Variants in RTN4 observed in about 807,000 individuals in gnomAD.
RTN4 encodes the protein reticulon 4, also known as reticulon-4.
A neutral mutation model predicts 90.4 loss-of-function variants in RTN4; 32 were observed. That is an observed-to-expected ratio of 0.35 (90% CI 0.27 to 0.48). The LOEUF (loss-of-function observed/expected upper bound fraction) is 0.48, where lower values mean the gene tolerates loss of function less well. Among genes scored for constraint, RTN4 ranks in the 20% least tolerant of loss-of-function variants. RTN4 has a pLI of 0.99. For synonymous variants in RTN4, 629 were observed against 552.5 expected (o/e 1.14, Z -1.94); for missense variants, 1,706 against 1,430.2 (o/e 1.19, Z -3.11).
intron 4 of RTN4, among the ~76,000 whole-genome samples, chr2:54,984,501 G>A (rs114376442): frequency 4.6e-5 from 7 of 152,312 alleles, no homozygotes; most frequent in African/African-American, 1.7e-4. Context: ...ACCCTGGTTG[G>A]TATTCTGCTT....
chr2:55,099,166 C>T (rs1050151428), intron 1 of RTN4, among the ~76,000 whole-genome samples: 1 of 152,022 alleles, frequency 6.6e-6, no homozygotes, highest in Non-Finnish European at 1.5e-5. Context: ...TATTTAGTTA[C>T]TGGGGCATAC....
At chr2:54,982,440 G>C in intron 5 of RTN4, 75 bp downstream of exon 5, 2 of 1,293,070 alleles carry the variant, frequency 1.5e-6, no homozygotes, top group African/African-American at 1.5e-5. Context: ...GAATATAGAA[G>C]AACAGAATTT....
In RTN4 at chr2:55,019,252, T is replaced by C. The variant is rs1288472170; in HGVS notation, c.3013+5834A>G. On this transcript the variant is annotated intron_variant, in intron 3 of 8. Coordinates refer to ENST00000337526, the MANE Select transcript of RTN4 (RefSeq NM_020532.5). ...GGAATGCTGAGGGTCAAATGAAAAA[T>C]GTACGGGGAGTACTGGAGTTAAAAT... Among the ~76,000 whole-genome samples the C allele has an allele frequency of 2.0e-5, 3 of 152,138 alleles. No homozygotes were observed. In the East Asian group the frequency reaches 5.8e-4, roughly 29 times the overall value.
chr2:55,032,357 G>C (rs1467729388), intron 1 of RTN4, among the ~76,000 whole-genome samples: 1 of 152,102 alleles, frequency 6.6e-6, no homozygotes, highest in Non-Finnish European at 1.5e-5. Flanking sequence ...GGAATTACAA[G>C]TGTGAACTAA....
At chr2:55,021,490 T>C (rs1332537717) in intron 3 of RTN4, among the ~76,000 whole-genome samples, 1 of 152,062 alleles carries the variant, frequency 6.6e-6, no homozygotes, top group East Asian at 1.9e-4. Context: ...TGTCTTTTTT[T>C]TCTCCCTTTT....
chr2:54,987,735 A>T (rs1432888615), intron 3 of RTN4, 37 bp from the exon 4 acceptor site: 3 of 1,509,658 alleles, frequency 2.0e-6, no homozygotes, highest in Non-Finnish European at 2.7e-6. Context: ...TTAGAATGTT[A>T]TTTTATCAAT....
intron 3 of RTN4, among the ~76,000 whole-genome samples, chr2:55,009,246 A>G (rs1054741790): frequency 3.9e-5 from 6 of 152,184 alleles, no homozygotes; most frequent in African/African-American, 1.4e-4. Flanking sequence ...ATTTTGGACT[A>G]CTTAAAAATA....
At chr2:54,975,834 T>C (rs954025000) in intron 5 of RTN4, among the ~76,000 whole-genome samples, 16 of 152,220 alleles carry the variant, frequency 1.1e-4, no homozygotes, top group African/African-American at 3.6e-4. Flanking sequence ...ATAGCAACAC[T>C]CTGGTCACCC....
the RTN4 span, among the ~76,000 whole-genome samples, chr2:55,135,957 G>A: frequency 6.6e-6 from 1 of 152,132 alleles, no homozygotes; most frequent in African/African-American, 2.4e-5. Flanking sequence ...CCACTTGTTA[G>A]AGCAGTTAGC....
chr2:54,973,630 G>C lies in RTN4; in HGVS notation c.3478-9C>G, dbSNP rs200798238. ...TAATGATCTATCTGTGCCTGAAAGAGAGGTATAAAGGAATTATTACCGTTG... is the reference window on the plus strand; with the variant it reads ...TAATGATCTATCTGTGCCTGAAAGACAGGTATAAAGGAATTATTACCGTTG... On this transcript the variant is annotated splice_polypyrimidine_tract_variant and intron_variant, in intron 7 of 8. Coordinates refer to ENST00000337526, the MANE Select transcript of RTN4 (RefSeq NM_020532.5). The C allele has an allele frequency of 3.3e-5, 53 of 1,603,164 alleles. 1 individual carries two copies. The highest frequency in any genetic ancestry group is 4.4e-5 in the Non-Finnish European group (52 of 1,170,162).
At chr2:55,060,292 AC>A (rs1275614346) in intron 2 of RTN4, among the ~76,000 whole-genome samples, 1 of 152,160 alleles carries the variant, frequency 6.6e-6, no homozygotes, top group Non-Finnish European at 1.5e-5. Context: ...CCATTATTTT[AC>A]CTTTTTAATG....
chr2:55,008,737 A>G (rs989340101), intron 3 of RTN4, among the ~76,000 whole-genome samples: 1 of 152,148 alleles, frequency 6.6e-6, no homozygotes, highest in Non-Finnish European at 1.5e-5. Context: ...ATGTTATTTA[A>G]TGATTTAAGA....
upstream of RTN4, among the ~76,000 whole-genome samples, chr2:55,053,409 G>A (rs1035077871): frequency 6.6e-6 from 1 of 151,952 alleles, no homozygotes; most frequent in Non-Finnish European, 1.5e-5. Flanking sequence ...CTTATCAGAC[G>A]GGCACCGTGA....
At chr2:54,989,600 A>G (rs779724363) in intron 3 of RTN4, among the ~76,000 whole-genome samples, 37 of 152,244 alleles carry the variant, frequency 2.4e-4, no homozygotes, top group Admixed American at 5.9e-4. Context: ...CTGTTCAAGT[A>G]ACTCAACCTA....
chr2:55,036,189 C>A (rs1682667979), intron 1 of RTN4, among the ~76,000 whole-genome samples: 2 of 152,018 alleles, frequency 1.3e-5, no homozygotes, highest in African/African-American at 4.8e-5. Context: ...TCCTCATAAC[C>A]ACACATGCAA....
intron 2 of RTN4, among the ~76,000 whole-genome samples, chr2:55,070,026 G>T (rs527685342): frequency 6.6e-6 from 1 of 152,116 alleles, no homozygotes; most frequent in Non-Finnish European, 1.5e-5. Context: ...CAGTGGTTTC[G>T]ATGGCAGAGA....
At chr2:55,081,825 T>C (rs1189785970) in intron 1 of RTN4, among the ~76,000 whole-genome samples, 1 of 128,934 alleles carries the variant, frequency 7.8e-6, no homozygotes, top group Non-Finnish European at 1.5e-5. Flanking sequence ...ATCATACCAC[T>C]GCACTCCAGC....
At chr2:54,981,794 G>A (rs1573285441) in intron 5 of RTN4, among the ~76,000 whole-genome samples, 1 of 67,152 alleles carries the variant, frequency 1.5e-5, no homozygotes, top group South Asian at 4.0e-4. Flanking sequence ...AAGAGTCCAA[G>A]ATATGAAATA....
chr2:54,973,275 T>A, intron 8 of RTN4, 77 bp from the exon 9 acceptor site: 1 of 1,249,358 alleles, frequency 8.0e-7, no homozygotes, highest in East Asian at 2.4e-5. Context: ...GAACTACTTG[T>A]ATGTTATTCA....
Sources: gnomAD v4.1 joint callset for allele counts (sites outside exome capture counted in the v4.1 genomes callset) on GRCh38, gnomAD v4.1.1 for gene constraint, MANE v1.5 for transcripts, NCBI Gene and HGNC (gene_info 2026-07-23, HGNC 2026-07-21) for gene names.